The following PCNX2 variants were observed in gnomAD, a reference collection of about 807,000 sequenced individuals.
PCNX2 encodes pecanex-like protein 2.
PCNX2 carries 168 observed loss-of-function variants against 223.8 expected under a neutral mutation model. The ratio of observed to expected loss-of-function variants is 0.75; its 90% CI spans 0.66 to 0.85. PCNX2 has a LOEUF of 0.85. Ranked by LOEUF, PCNX2 falls within the 40% of genes least tolerant of loss-of-function variation. PCNX2 has a pLI of 0.00. For missense variants in PCNX2, 2,507 were observed against 2,675.5 expected, an observed-to-expected ratio of 0.94 and a Z score of 1.39; for synonymous variants, 1,006 against 1,052.6, an observed-to-expected ratio of 0.96 and a Z score of 0.86.
chr1:233,218,556 G>C (rs1197882860), intron 10 of PCNX2, among the ~76,000 whole-genome samples: 33 of 151,932 alleles, frequency 2.2e-4, no homozygotes, highest in Admixed American at 2.2e-3. Context: ...AGCCAGTTTT[G>C]CCATTTTTAA....
chr1:233,109,298 G>GAA (rs1173817237), intron 21 of PCNX2, among the ~76,000 whole-genome samples: 1 of 151,770 alleles, frequency 6.6e-6, no homozygotes, highest in Non-Finnish European at 1.5e-5. Flanking sequence ...AAAAGGGCAA[G>GAA]AAAAAAAATT....
chr1:233,258,041 A>T lies in PCNX2; in HGVS notation c.1821T>A (p.Ser607Arg). ...LNGSAEQNEE[S>R]GLLRDNCSQE... ...ATGGAATCGCACCTCGGAGAAGCCC[A>T]CTTTCTTCATTCTGCTCAGCTGAGC... is the stretch of plus-strand genomic sequence containing the variant. The change falls in exon 5 of 34, where the codon AGT becomes AGA. Residue 607 changes from serine (S) to arginine (R), a missense_variant. Ser to Arg is a moderately radical substitution (Grantham distance 110, BLOSUM62 -1). Around this residue, in one of 3 missense-constraint regions of PCNX2, gnomAD observed 1,031 missense variants for 1,021.7 expected, o/e 1.01. Transcript: ENST00000258229. 6.2e-7 allele frequency: 1 copy of T among 1,611,148 alleles called. No individual in the cohort carries two copies. The highest frequency in any genetic ancestry group is 2.2e-5 in the East Asian group (1 of 44,764).
At chr1:233,075,297 T>C (rs1272219547) in intron 23 of PCNX2, among the ~76,000 whole-genome samples, 2 of 152,214 alleles carry the variant, frequency 1.3e-5, no homozygotes, top group Non-Finnish European at 2.9e-5. Flanking sequence ...TCCACTGAAT[T>C]ATGTTGTGTG....
intron 1 of PCNX2, among the ~76,000 whole-genome samples, chr1:233,294,928 T>C (rs1661981592): frequency 6.6e-6 from 1 of 152,170 alleles, no homozygotes; most frequent in African/African-American, 2.4e-5. Flanking sequence ...ATGAGTCTGC[T>C]TTTTACATTT....
At chr1:233,186,889 GCACA>G (rs371765912) in intron 15 of PCNX2, among the ~76,000 whole-genome samples, 3 of 149,930 alleles carry the variant, frequency 2.0e-5, no homozygotes, top group Non-Finnish European at 3.0e-5. Context: ...ACATAGAAAT[GCACA>G]CACACACACA....
intron 23 of PCNX2, 70 bp from the exon 24 acceptor site, chr1:233,057,360 A>G (rs1672231928): frequency 1.6e-6 from 2 of 1,243,990 alleles, no homozygotes; most frequent in East Asian, 4.8e-5. Context: ...GGTTTATAGA[A>G]CCAGCTGCAT....
the PCNX2 span, among the ~76,000 whole-genome samples, chr1:233,307,069 AT>A: frequency 6.6e-6 from 1 of 152,242 alleles, no homozygotes; most frequent in African/African-American, 2.4e-5. Context: ...AAAGTTACAT[AT>A]AAAAGGAAAG....
intron 12 of PCNX2, among the ~76,000 whole-genome samples, chr1:233,210,824 A>G (rs1315717344): frequency 4.6e-5 from 7 of 152,210 alleles, no homozygotes; most frequent in Non-Finnish European, 2.9e-5. Flanking sequence ...GCACCAGTGG[A>G]ATTCAGCTGG....
At chr1:233,141,521 C>T (rs1272529058) in intron 19 of PCNX2, among the ~76,000 whole-genome samples, 1 of 152,052 alleles carries the variant, frequency 6.6e-6, no homozygotes, top group Non-Finnish European at 1.5e-5. Context: ...CAAAAGTTAG[C>T]TGGGCATGGT....
intron 19 of PCNX2, among the ~76,000 whole-genome samples, chr1:233,155,143 T>A (rs1405829740): frequency 6.6e-6 from 1 of 151,406 alleles, no homozygotes; most frequent in East Asian, 1.9e-4. Flanking sequence ...CGGTGGCTAT[T>A]CAATAGGCAC....
At chr1:233,120,179 A>AT (rs1187112826) in intron 21 of PCNX2, among the ~76,000 whole-genome samples, 74 of 146,948 alleles carry the variant, frequency 5.0e-4, no homozygotes, top group Non-Finnish European at 8.6e-4. Context: ...AAAAAAAAAA[A>AT]AAAAAGAAAT....
At chr1:233,293,996 T>A in intron 1 of PCNX2, 1 of 985,274 alleles carries the variant, frequency 1.0e-6, no homozygotes. Flanking sequence ...TAAACTTGCA[T>A]TTATTGCAGG....
At position 233,261,929 on chromosome 1, in the gene PCNX2, C is replaced by T. The variant is rs539716497; in HGVS notation, c.480+116G>A. 122 of 1,456,494 alleles carry T rather than the reference C, an allele frequency of 8.4e-5. No homozygotes were observed. In the African/African-American group the frequency reaches 1.1e-3, roughly 13 times the overall value. 90.2% of individuals were successfully genotyped at this position (1,456,494 alleles called of 1,614,324 possible). On this transcript the variant is annotated intron_variant, in intron 3 of 33. Coordinates refer to ENST00000258229, the MANE Select transcript of PCNX2 (RefSeq NM_014801.4). ...CTGGGATGTGATATTCCACTGTACA[C>T]GGGCCAGTGATTACAGCATGCAAGC...
In PCNX2 at chr1:233,259,235, GGTC is replaced by G. The variant is rs1659916083; in HGVS notation, c.624_626del (p.Thr209del). 1.2e-6 allele frequency: 2 copies of G among 1,613,806 alleles called. No homozygotes were observed. The highest frequency in any genetic ancestry group is 2.2e-5 in the South Asian group (2 of 91,072). ...CTGGTTTTACAGGTATTACTGACTT[GGTC>G]GTGGTTTCCAGCATGTGTGCTTGAG... is the stretch of plus-strand genomic sequence containing the variant. On this transcript the variant is annotated inframe_deletion, in exon 5 of 34. Transcript: ENST00000258229.
At chr1:233,199,614 C>T (rs182905850) in intron 14 of PCNX2, among the ~76,000 whole-genome samples, 10 of 152,204 alleles carry the variant, frequency 6.6e-5, no homozygotes, top group Non-Finnish European at 1.2e-4. Context: ...ATTTATGTCA[C>T]GTCGTGAGAT....
intron 23 of PCNX2, among the ~76,000 whole-genome samples, chr1:233,065,985 G>C (rs1413031971): frequency 6.6e-6 from 1 of 152,130 alleles, no homozygotes; most frequent in Non-Finnish European, 1.5e-5. Flanking sequence ...ATGCCTTTCA[G>C]CCAATTGAAT....
At chr1:233,161,455 A>C (rs1678476523) in intron 17 of PCNX2, 92 bp from the exon 18 acceptor site, 1 of 1,085,992 alleles carries the variant, frequency 9.2e-7, no homozygotes, top group Non-Finnish European at 1.4e-6. Flanking sequence ...ACATTGACCC[A>C]AGATAAACTG....
At chr1:233,089,863 C>T in intron 23 of PCNX2, 198 bp downstream of exon 23, 2 of 1,323,590 alleles carry the variant, frequency 1.5e-6, no homozygotes, top group South Asian at 4.5e-5. Context: ...AATTTGAAAT[C>T]AGTCATGTTC....
chr1:233,167,496 G>T (rs1678872089), intron 17 of PCNX2, among the ~76,000 whole-genome samples: 1 of 152,088 alleles, frequency 6.6e-6, no homozygotes, highest in Non-Finnish European at 1.5e-5. Context: ...ATGTACATGA[G>T]AACTATAATT....
Sources: allele counts gnomAD v4.1 joint callset (sites outside exome capture counted in the v4.1 genomes callset), GRCh38; gene constraint gnomAD v4.1.1; regional missense constraint gnomAD v4.1.1; transcripts MANE v1.5; gene names NCBI Gene and HGNC (gene_info 2026-07-23, HGNC 2026-07-21).